Variants in NFX1 observed in about 807,000 individuals in gnomAD.
The protein encoded by NFX1 is transcriptional repressor NF-X1.
Under a neutral mutation model 137.2 loss-of-function variants are expected in NFX1, and 69 were observed. The observed-to-expected ratio is 0.50, with a 90% CI of 0.41 to 0.61. NFX1 has a LOEUF of 0.61. Ranked by LOEUF, NFX1 falls within the 20% of genes least tolerant of loss-of-function variation. NFX1 has a pLI of 0.00. For missense variants in NFX1, 1,167 were observed against 1,391.0 expected (o/e 0.84, Z 2.56); for synonymous variants, 495 against 474.1 (o/e 1.04, Z -0.57).
intron 21 of NFX1, 134 bp from the exon 22 acceptor site, chr9:33,366,495 G>A (rs1824173229): frequency 9.5e-7 from 1 of 1,048,040 alleles, no homozygotes; most frequent in Non-Finnish European, 1.4e-6. Flanking sequence ...TTGGCAGTTA[G>A]TAAAATGCTC....
chr9:33,323,461 T>C (rs969916199), intron 9 of NFX1, among the ~76,000 whole-genome samples: 12 of 152,116 alleles, frequency 7.9e-5, no homozygotes, highest in Non-Finnish European at 1.3e-4. Context: ...AATAAATATG[T>C]TCAAAGAACT....
chr9:33,332,580 A>G (rs1183976933), intron 11 of NFX1, 78 bp downstream of exon 11: 6 of 1,090,214 alleles, frequency 5.5e-6, no homozygotes, highest in Non-Finnish European at 8.0e-6. Context: ...GAGTTGGGTT[A>G]TGTATTTGTC....
At chr9:33,363,946 G>A (rs1824091911) in intron 19 of NFX1, 64 bp from the exon 20 acceptor site, 23 of 1,058,620 alleles carry the variant, frequency 2.2e-5, no homozygotes, top group Non-Finnish European at 2.7e-5. Flanking sequence ...GTAGGCACTC[G>A]GGGTTACTGC....
intron 5 of NFX1, among the ~76,000 whole-genome samples, chr9:33,310,345 A>C (rs1307590356): frequency 2.6e-5 from 4 of 152,216 alleles, no homozygotes; most frequent in Non-Finnish European, 4.4e-5. Flanking sequence ...AGAAGTTCCC[A>C]AAATGTTTTA....
intron 23 of NFX1, 134 bp from the exon 24 acceptor site, chr9:33,369,770 AAG>A: frequency 1.4e-6 from 1 of 728,220 alleles, no homozygotes; most frequent in Non-Finnish European, 2.3e-6. Flanking sequence ...GAAGGAAAAA[AAG>A]TAAGACTAAA....
intron 12 of NFX1, among the ~76,000 whole-genome samples, chr9:33,342,249 C>T (rs1359937926): frequency 6.6e-6 from 1 of 152,026 alleles, no homozygotes; most frequent in Non-Finnish European, 1.5e-5. Flanking sequence ...ATCATGAGGT[C>T]AGGAGATTGA....
At chr9:33,305,379 T>G (rs1381875799) in intron 4 of NFX1, among the ~76,000 whole-genome samples, 2 of 152,102 alleles carry the variant, frequency 1.3e-5, no homozygotes, top group Non-Finnish European at 2.9e-5. Context: ...TCAACAGGGT[T>G]TAGGGTATAT....
chr9:33,328,669 C>CA lies in NFX1; in HGVS notation c.1996dup (p.Arg666LysfsTer13), dbSNP rs1342644344. The CA allele has an allele frequency of 1.9e-6, 3 of 1,610,646 alleles. No homozygotes were observed. In the African/African-American group the frequency reaches 4.0e-5, roughly 22 times the overall value. On this transcript the variant is annotated frameshift_variant, in exon 10 of 24. Coordinates refer to ENST00000379540, the MANE Select transcript of NFX1 (RefSeq NM_002504.6). LOFTEE classifies it high-confidence loss of function. ...CAGTTATTTCCTGCAGATGCTCTTT[C>CA]AGAACAAAGGTAAATCCTAAACAAT...
At chr9:33,364,842 A>G (rs769179861) in intron 21 of NFX1, 68 bp downstream of exon 21, 1 of 1,588,188 alleles carries the variant, frequency 6.3e-7, no homozygotes. Flanking sequence ...AAAGCAATCA[A>G]GTCCTGGAAA....
Position 33,366,676 on chromosome 9 carries a change from C to T in NFX1, c.3087C>T (p.Asp1029=), listed in dbSNP as rs773452960. The stretch of plus-strand genomic sequence containing the variant: ...ACAGCTTCCCTCCCATGAACAGAGA[C>T]CACCGCCGGATCATCCATGACTTGG... The part of the protein sequence containing the change: ...KSHSFPPMNR[D]HRRIIHDLAQ... The change falls in exon 22 of 24, where the codon GAC becomes GAT. Residue 1029 remains aspartate (D), a synonymous_variant. Coordinates refer to ENST00000379540, the MANE Select transcript of NFX1 (RefSeq NM_002504.6). 21 of 1,614,174 alleles carry T rather than the reference C, an allele frequency of 1.3e-5. No individual in the cohort carries two copies. Among genetic ancestry groups the T allele is most frequent in the Non-Finnish European group, 1.8e-5 (21 of 1,180,032 alleles).
chr9:33,347,137 T>C lies in NFX1; in HGVS notation c.2424+20T>C. The C allele has an allele frequency of 6.3e-7, 1 of 1,576,298 alleles. No homozygotes were observed. Among genetic ancestry groups the C allele is most frequent in the Non-Finnish European group, 8.7e-7 (1 of 1,147,130 alleles). ...CATGAGGTAAGTTTTCTCTCTCAAG[T>C]GCTCATTGTTCCAGGCAGAGGTTCA... On this transcript the variant is annotated intron_variant, in intron 15 of 23. Coordinates refer to ENST00000379540, the MANE Select transcript of NFX1 (RefSeq NM_002504.6).
intron 19 of NFX1, among the ~76,000 whole-genome samples, chr9:33,356,233 A>G (rs921733692): frequency 6.6e-6 from 1 of 152,194 alleles, no homozygotes; most frequent in Non-Finnish European, 1.5e-5. Flanking sequence ...ATGACTTAAG[A>G]GATTGAGCAC....
At chr9:33,331,756 T>C (rs571012633) in intron 10 of NFX1, among the ~76,000 whole-genome samples, 1 of 152,040 alleles carries the variant, frequency 6.6e-6, no homozygotes, top group South Asian at 2.1e-4. Flanking sequence ...ATTTTTCTCA[T>C]TTCTGAGTAC....
At chr9:33,346,258 A>C (rs1823417250) in intron 14 of NFX1, among the ~76,000 whole-genome samples, 1 of 152,194 alleles carries the variant, frequency 6.6e-6, no homozygotes, top group African/African-American at 2.4e-5. Flanking sequence ...CTGCTGGGCA[A>C]GGTCCATAGT....
At chr9:33,335,612 C>G (rs1387223529) in intron 11 of NFX1, among the ~76,000 whole-genome samples, 1 of 152,124 alleles carries the variant, frequency 6.6e-6, no homozygotes, top group Non-Finnish European at 1.5e-5. Flanking sequence ...TGCTTGGTCT[C>G]AAGTGATCCT....
intron 14 of NFX1, 85 bp from the exon 15 acceptor site, chr9:33,346,953 T>C: frequency 1.0e-6 from 1 of 993,554 alleles, no homozygotes; most frequent in South Asian, 1.9e-5. Context: ...AAAAGTTTCA[T>C]GCCGTATGCC....
chr9:33,305,416 C>T (rs1821716052), intron 4 of NFX1, among the ~76,000 whole-genome samples: 1 of 152,162 alleles, frequency 6.6e-6, no homozygotes, highest in Non-Finnish European at 1.5e-5. Flanking sequence ...CATCCACTTA[C>T]AGAGCCCAGG....
intron 9 of NFX1, among the ~76,000 whole-genome samples, chr9:33,320,718 C>T (rs1014098048): frequency 1.3e-5 from 2 of 152,056 alleles, no homozygotes; most frequent in African/African-American, 4.8e-5. Context: ...TGTTGAAAGG[C>T]CATGCATTTA....
chr9:33,364,858 T>G, intron 21 of NFX1, 84 bp downstream of exon 21: 1 of 1,568,484 alleles, frequency 6.4e-7, no homozygotes, highest in Non-Finnish European at 8.6e-7. Context: ...GGAAACACTT[T>G]CAACCTAGAG....
Sources: gnomAD v4.1 joint callset for allele counts (sites outside exome capture counted in the v4.1 genomes callset) on GRCh38, gnomAD v4.1.1 for gene constraint, MANE v1.5 for transcripts, NCBI Gene and HGNC (gene_info 2026-07-23, HGNC 2026-07-21) for gene names.